ZFAND5: variants seen among roughly 807,000 people sequenced by gnomAD.
ZFAND5 encodes AN1-type zinc finger protein 5.
In ZFAND5, 4 loss-of-function variants were observed where a neutral mutation model predicts 23.6. That is an observed-to-expected ratio of 0.17 (90% CI 0.08 to 0.39). The LOEUF is 0.39. Among genes scored for constraint, ZFAND5 ranks in the 10% least tolerant of loss-of-function variants. ZFAND5 has a pLI of 1.00. For synonymous variants in ZFAND5, 68 were observed against 80.6 expected (o/e 0.84, Z 0.84); for missense variants, 161 against 253.7 (o/e 0.63, Z 2.48).
intron 6 of ZFAND5, among the ~76,000 whole-genome samples, 192 bp from the exon 7 acceptor site, chr9:72,356,293 G>T (rs1360007849): frequency 1.3e-5 from 2 of 152,186 alleles, no homozygotes; most frequent in African/African-American, 4.8e-5. Context: ...ACCTGGAAAA[G>T]GAACTTTTAA....
chr9:72,359,555 G>A, intron 4 of ZFAND5, 34 bp from the exon 5 acceptor site: 1 of 1,585,628 alleles, frequency 6.3e-7, no homozygotes, highest in Non-Finnish European at 8.6e-7. Flanking sequence ...TTTTAAAGGT[G>A]TTAAGGGTAC....
Position 72,364,994 on chromosome 9 carries a change from G to C in ZFAND5, c.-445C>G, listed in dbSNP as rs1357706974. ...GCGGCCGCAGCGGCTAACGCTGCTC[G>C]AGGCGCTCGCCTGTCGTCGCCTCAC... On this transcript the variant is annotated 5_prime_UTR_variant, in exon 1 of 7. Transcript: ENST00000376962. The C allele has an allele frequency of 1.3e-5, 2 of 152,238 alleles. No homozygotes were observed. The highest frequency in any genetic ancestry group is 2.9e-5 in the Non-Finnish European group (2 of 68,116). 9.4% of individuals were successfully genotyped at this position (152,238 alleles called of 1,614,324 possible). A position where few individuals can be genotyped will look rare whatever the true frequency, so the allele number is the denominator to read the frequency against.
rs922204805 is a variant in ZFAND5, at chr9:72,354,804, T to C, written c.*1149A>G. Reference sequence around the variant, plus strand: ...TCCATTATAACACAGAAGTGATTATTACCAGACAAGCATCAGTGAAGTATA... The same window carrying C: ...TCCATTATAACACAGAAGTGATTATCACCAGACAAGCATCAGTGAAGTATA... On this transcript the variant is annotated 3_prime_UTR_variant, in exon 7 of 7. Transcript: ENST00000376962. 2 of 152,606 alleles carry C rather than the reference T, an allele frequency of 1.3e-5. No homozygotes were observed. Among genetic ancestry groups the C allele is most frequent in the East Asian group, 1.9e-4 (1 of 5,202 alleles). The allele number at this position is 152,606 out of a possible 1,614,324, so 9.5% of individuals were successfully genotyped here. A position where few individuals can be genotyped will look rare whatever the true frequency, so the allele number is the denominator to read the frequency against.
intron 5 of ZFAND5, among the ~76,000 whole-genome samples, chr9:72,357,834 T>C (rs543049578): frequency 6.6e-6 from 1 of 152,204 alleles, no homozygotes; most frequent in South Asian, 2.1e-4. Flanking sequence ...TAAAAAGGCT[T>C]TAAGTTTCAG....
intron 2 of ZFAND5, among the ~76,000 whole-genome samples, chr9:72,361,893 G>C (rs1842114690): frequency 6.6e-6 from 1 of 152,300 alleles, no homozygotes; most frequent in South Asian, 2.1e-4. Flanking sequence ...TTCGTGTGCT[G>C]TAACTTGTGG....
rs1049806618 is a variant in ZFAND5 at position 72,364,739 on chromosome 9, C to G, written c.-190G>C. Reference sequence around the variant, plus strand: ...CGAAAGCCGGGTTCGCGCGCGAAGCCGGCACGATGAGGCCGGGCCGAGGCC... The same window carrying G: ...CGAAAGCCGGGTTCGCGCGCGAAGCGGGCACGATGAGGCCGGGCCGAGGCC... On this transcript the variant is annotated 5_prime_UTR_variant, in exon 1 of 7. Coordinates refer to ENST00000376962, the MANE Select transcript of ZFAND5 (RefSeq NM_001102420.3). The G allele has an allele frequency of 2.1e-5, 14 of 669,560 alleles. No homozygotes were observed. Among genetic ancestry groups the G allele is most frequent in the African/African-American group, 6.0e-5 (3 of 50,120 alleles). 41.5% of individuals were successfully genotyped at this position (669,560 alleles called of 1,614,324 possible).
Position 72,351,745 on chromosome 9 carries a change from G to A in ZFAND5, c.*4208C>T, listed in dbSNP as rs983334223. The stretch of plus-strand genomic sequence containing the variant: ...AACTGGCAAGGGCTGGCTGTTGGCC[G>A]ATTCACCATGACTGACATGGTGCAT... On this transcript the variant is annotated 3_prime_UTR_variant, in exon 7 of 7. Coordinates refer to ENST00000376962, the MANE Select transcript of ZFAND5 (RefSeq NM_001102420.3). The A allele has an allele frequency of 1.3e-5, 2 of 152,128 alleles. No individual in the cohort carries two copies. Among genetic ancestry groups the A allele is most frequent in the Admixed American group, 6.5e-5 (1 of 15,274 alleles). The allele number at this position is 152,128 out of a possible 1,614,324, so 9.4% of individuals were successfully genotyped here.
rs1842063042 is a variant in ZFAND5 at position 72,360,317 on chromosome 9, A to G, written c.152-96T>C. ...ATAAATACTTGCATTTAATTAGGTT[A>G]GTGATATAAGCATTCACTGTGCTGT... On this transcript the variant is annotated intron_variant, in intron 3 of 6. Transcript: ENST00000376962. 10 of 1,076,766 alleles carry G rather than the reference A, an allele frequency of 9.3e-6. No homozygotes were observed. The South Asian group carries it at 1.4e-4, about 15-fold the overall frequency. The allele number at this position is 1,076,766 out of a possible 1,614,324, so 66.7% of individuals were successfully genotyped here. A position where few individuals can be genotyped will look rare whatever the true frequency, so the allele number is the denominator to read the frequency against.
At position 72,364,678 on chromosome 9, in the gene ZFAND5, C is replaced by G. The variant is rs945974119; in HGVS notation, c.-147+18G>C. On this transcript the variant is annotated intron_variant, in intron 1 of 6. Coordinates refer to ENST00000376962, the MANE Select transcript of ZFAND5 (RefSeq NM_001102420.3). ...CAACAAGGAGCCCGGCTCCCACCCG[C>G]AGCCCCGTATCACTCACCCTGCAGG... 2.2e-4 allele frequency: 241 copies of G among 1,075,320 alleles called. No individual in the cohort carries two copies. The highest frequency in any genetic ancestry group is 2.7e-4 in the Non-Finnish European group (236 of 858,572). The allele number at this position is 1,075,320 out of a possible 1,614,324, so 66.6% of individuals were successfully genotyped here.
intron 1 of ZFAND5, 95 bp downstream of exon 1, chr9:72,364,601 T>C: frequency 8.1e-7 from 1 of 1,228,930 alleles, no homozygotes; most frequent in Non-Finnish European, 1.0e-6. Context: ...CTGCTCCGGC[T>C]TCGCCATTGG....
intron 3 of ZFAND5, 55 bp from the exon 4 acceptor site, chr9:72,360,276 G>T: frequency 7.2e-7 from 1 of 1,382,242 alleles, no homozygotes; most frequent in Non-Finnish European, 1.0e-6. Flanking sequence ...AACTCACTTA[G>T]TATCAAGACG....
At position 72,364,838 on chromosome 9, in the gene ZFAND5, T is replaced by TGGCGCC. The variant is rs916963368; in HGVS notation, c.-295_-290dup. ...AGCGGGTCGGAGCAGCAGGCGGAGGTGGCGCCGCCGCCGCCGCGGGGTCTT... is the reference window on the plus strand; with the variant it reads ...AGCGGGTCGGAGCAGCAGGCGGAGGTGGCGCCGGCGCCGCCGCCGCCGCGGGGTCTT... On this transcript the variant is annotated 5_prime_UTR_variant, in exon 1 of 7. Coordinates refer to ENST00000376962, the MANE Select transcript of ZFAND5 (RefSeq NM_001102420.3). 11 of 154,328 alleles carry TGGCGCC rather than the reference T, an allele frequency of 7.1e-5. No individual in the cohort carries two copies. The highest frequency in any genetic ancestry group is 2.7e-4 in the African/African-American group (11 of 40,272). The allele number at this position is 154,328 out of a possible 1,614,324, so 9.6% of individuals were successfully genotyped here.
At chr9:72,359,632 T>A in intron 4 of ZFAND5, 111 bp from the exon 5 acceptor site, 1 of 984,482 alleles carries the variant, frequency 1.0e-6, no homozygotes, top group Non-Finnish European at 1.4e-6. Context: ...AATGAGCAAA[T>A]GGAGCTAGAT....
At chr9:72,363,697 A>G in intron 1 of ZFAND5, 91 bp from the exon 2 acceptor site, 1 of 959,488 alleles carries the variant, frequency 1.0e-6, no homozygotes, top group African/African-American at 1.8e-5. Context: ...CTTCAAAGAT[A>G]AAATTGCAGT....
At chr9:72,364,391 GCGC>G in intron 1 of ZFAND5, 1 of 1,181,928 alleles carries the variant, frequency 8.5e-7, no homozygotes. Context: ...CCCACGCCGG[GCGC>G]CGCCGCGGAG....
At chr9:72,361,620 C>T (rs1316006480) in intron 2 of ZFAND5, among the ~76,000 whole-genome samples, 1 of 152,136 alleles carries the variant, frequency 6.6e-6, no homozygotes, top group Non-Finnish European at 1.5e-5. Context: ...ATACACATAA[C>T]CTTTAGTAAT....
rs1841808796 is a variant in ZFAND5, at chr9:72,352,736, T to TAAGTGTTGTCAC, written c.*3216_*3217insGTGACAACACTT. On this transcript the variant is annotated 3_prime_UTR_variant, in exon 7 of 7. Coordinates refer to ENST00000376962, the MANE Select transcript of ZFAND5 (RefSeq NM_001102420.3). ...GTAACCAATCCTGTTCTCAAAGTTT[T>TAAGTGTTGTCAC]CTTCCCAAGTTATGGAAACCATTAT... is the stretch of plus-strand genomic sequence containing the variant. 1 of 152,252 alleles carries TAAGTGTTGTCAC rather than the reference T, an allele frequency of 6.6e-6. No homozygotes were observed. The highest frequency in any genetic ancestry group is 2.4e-5 in the African/African-American group (1 of 41,460). The allele number at this position is 152,252 out of a possible 1,614,324, so 9.4% of individuals were successfully genotyped here. A position where few individuals can be genotyped will look rare whatever the true frequency, so the allele number is the denominator to read the frequency against.
chr9:72,358,772 C>A (rs1842012977), intron 5 of ZFAND5, among the ~76,000 whole-genome samples: 1 of 152,098 alleles, frequency 6.6e-6, no homozygotes, highest in Admixed American at 6.6e-5. Context: ...AATCAGCACT[C>A]TGCCAAAAAA....
At chr9:72,361,528 A>G (rs991325467) in intron 2 of ZFAND5, among the ~76,000 whole-genome samples, 1 of 152,216 alleles carries the variant, frequency 6.6e-6, no homozygotes, top group African/African-American at 2.4e-5. Flanking sequence ...GGCACTATTA[A>G]TTTTAACAAG....
Sources: gnomAD v4.1 joint callset for allele counts (sites outside exome capture counted in the v4.1 genomes callset) on GRCh38, gnomAD v4.1.1 for gene constraint, MANE v1.5 for transcripts, NCBI Gene and HGNC (gene_info 2026-07-23, HGNC 2026-07-21) for gene names.